The following FAT3 variants were observed in gnomAD, a reference collection of about 807,000 sequenced individuals.
FAT3 encodes protocadherin Fat 3.
A neutral mutation model predicts 310.2 loss-of-function variants in FAT3; 95 were observed. The ratio of observed to expected loss-of-function variants is 0.31; its 90% CI spans 0.26 to 0.36. The LOEUF (loss-of-function observed/expected upper bound fraction) is 0.36. Among genes scored for constraint, FAT3 ranks in the 10% least tolerant of loss-of-function variants. The pLI is 1.00. For missense variants in FAT3, 5,408 were observed against 5,715.6 expected (o/e 0.95, Z 1.74); for synonymous variants, 2,314 against 2,192.9 (o/e 1.06, Z -1.54).
intron 3 of FAT3, among the ~76,000 whole-genome samples, chr11:92,695,020 A>T (rs1943898851): frequency 6.6e-6 from 1 of 152,124 alleles, no homozygotes; most frequent in East Asian, 1.9e-4. Context: ...ACTCAGAGCG[A>T]TGTGCTGCCC....
At chr11:92,684,237 C>G (rs1943566726) in intron 3 of FAT3, among the ~76,000 whole-genome samples, 1 of 152,048 alleles carries the variant, frequency 6.6e-6, no homozygotes, top group Admixed American at 6.6e-5. Flanking sequence ...CATTACAAAC[C>G]CTTAGTCCCA....
chr11:92,872,177 T>C (rs1305556434), intron 22 of FAT3, among the ~76,000 whole-genome samples: 1 of 152,220 alleles, frequency 6.6e-6, no homozygotes, highest in Non-Finnish European at 1.5e-5. Context: ...GGGGCCACTT[T>C]GGATATGTTT....
intron 1 of FAT3, among the ~76,000 whole-genome samples, chr11:92,325,015 A>G (rs763879534): frequency 1.3e-5 from 2 of 152,164 alleles, no homozygotes; most frequent in Non-Finnish European, 2.9e-5. Context: ...CACATTTAAA[A>G]CCCGTTTCAA....
chr11:92,254,460 C>T (rs182901035), intron 1 of FAT3, among the ~76,000 whole-genome samples: 22 of 152,222 alleles, frequency 1.4e-4, no homozygotes, highest in Admixed American at 3.9e-4. Context: ...GTTTAAGATC[C>T]TGCTGGCTGG....
At chr11:92,414,353 A>T (rs1010040371) in intron 2 of FAT3, among the ~76,000 whole-genome samples, 2 of 152,166 alleles carry the variant, frequency 1.3e-5, no homozygotes, top group African/African-American at 4.8e-5. Flanking sequence ...TTAAAAAGAG[A>T]ACTAGAAAAA....
rs189847859 is a variant in FAT3 at position 92,476,361 on chromosome 11, G to T, written c.3293-48273G>T. On this transcript the variant is annotated intron_variant, in intron 2 of 27. Coordinates refer to ENST00000525166, the MANE Select transcript of FAT3 (RefSeq NM_001367949.2). ...TTATATAAGCCATCTAAGTACATTTGGGTTGTAAGGAAAATTACAGCAAGT... is the reference window on the plus strand; with the variant it reads ...TTATATAAGCCATCTAAGTACATTTTGGTTGTAAGGAAAATTACAGCAAGT... Among the ~76,000 whole-genome samples the T allele has an allele frequency of 6.9e-3, 1,052 of 152,188 alleles. 6 individuals are homozygous for T. Among genetic ancestry groups the T allele is most frequent in the Non-Finnish European group, 0.011 (733 of 67,998 alleles).
intron 13 of FAT3, among the ~76,000 whole-genome samples, chr11:92,830,941 A>C (rs1056379893): frequency 2.6e-5 from 4 of 151,972 alleles, no homozygotes; most frequent in Non-Finnish European, 5.9e-5. Flanking sequence ...CCTTCTCACC[A>C]CTTCCGACAC....
At chr11:92,660,126 G>C (rs1381192294) in intron 3 of FAT3, among the ~76,000 whole-genome samples, 3 of 151,938 alleles carry the variant, frequency 2.0e-5, no homozygotes, top group Non-Finnish European at 4.4e-5. Context: ...GAACTAGCAA[G>C]AGTTCTACAT....
At chr11:92,275,972 T>TATAAAATATGTGTGTGATACAC (rs1946257836) in intron 1 of FAT3, among the ~76,000 whole-genome samples, 1 of 152,172 alleles carries the variant, frequency 6.6e-6, no homozygotes, top group African/African-American at 2.4e-5. Flanking sequence ...GTGTGATACA[T>TATAAAATATGTGTGTGATACAC]ATAAAGTAAC....
intron 1 of FAT3, among the ~76,000 whole-genome samples, chr11:92,344,332 G>A (rs149975923): frequency 1.5e-3 from 231 of 152,260 alleles, no homozygotes; most frequent in African/African-American, 5.1e-3. Context: ...CCAACGTCCT[G>A]CTGGGATGAG....
At chr11:92,645,500 A>AC (rs1942120064) in intron 3 of FAT3, among the ~76,000 whole-genome samples, 1 of 151,950 alleles carries the variant, frequency 6.6e-6, no homozygotes, top group Non-Finnish European at 1.5e-5. Context: ...GAAAAAAAAA[A>AC]AAAACAGGTA....
chr11:92,326,019 A>G (rs763989213), intron 1 of FAT3, among the ~76,000 whole-genome samples: 122 of 152,222 alleles, frequency 8.0e-4, no homozygotes, highest in Middle Eastern at 3.2e-3. Context: ...AGCCATATCC[A>G]TGTTGGTGAG....
At chr11:92,872,044 A>T (rs772929396) in intron 22 of FAT3, among the ~76,000 whole-genome samples, 30 of 152,204 alleles carry the variant, frequency 2.0e-4, no homozygotes, top group Admixed American at 5.2e-4. Context: ...CCCTTCAAAG[A>T]TAAGAGTAAT....
chr11:92,880,679 A>G, intron 22 of FAT3, 52 bp from the exon 23 acceptor site: 1 of 1,575,680 alleles, frequency 6.3e-7, no homozygotes, highest in Non-Finnish European at 8.6e-7. Flanking sequence ...GAGTCCAAGC[A>G]CTCAGCCCTA....
chr11:92,851,911 G>A (rs983754136), intron 19 of FAT3, among the ~76,000 whole-genome samples: 1 of 152,164 alleles, frequency 6.6e-6, no homozygotes, highest in African/African-American at 2.4e-5. Flanking sequence ...CCACCAGAGA[G>A]GGGGTCTTTA....
chr11:92,316,671 C>T (rs1045436319), intron 1 of FAT3, among the ~76,000 whole-genome samples: 3 of 152,022 alleles, frequency 2.0e-5, no homozygotes, highest in Non-Finnish European at 4.4e-5. Flanking sequence ...TGCATGATGC[C>T]CACCTTTTCT....
At position 92,801,889 on chromosome 11, in the gene FAT3, A is replaced by AAGTG; in HGVS notation, c.8879_8882dup (p.Tyr2962GlufsTer21). Reference sequence around the variant, plus strand: ...AGAGACACATCCGACGTTAATCGCCAAGTGAGCTACCATATTACAGGTGAG... The same window carrying AAGTG: ...AGAGACACATCCGACGTTAATCGCCAAGTGAGTGAGCTACCATATTACAGGTGAG... On this transcript the variant is annotated frameshift_variant, in exon 10 of 28. Transcript: ENST00000525166. LOFTEE classifies it high-confidence loss of function. 6.2e-7 allele frequency: 1 copy of AAGTG among 1,613,798 alleles called. No individual in the cohort carries two copies. Among genetic ancestry groups the AAGTG allele is most frequent in the African/African-American group, 1.3e-5 (1 of 75,054 alleles).
chr11:92,651,801 C>A (rs960634885), intron 3 of FAT3, among the ~76,000 whole-genome samples: 1 of 152,128 alleles, frequency 6.6e-6, no homozygotes, highest in East Asian at 1.9e-4. Context: ...CTCTGTTAGA[C>A]CATGCCAAAG....
intron 4 of FAT3, among the ~76,000 whole-genome samples, chr11:92,753,487 C>G (rs573494216): frequency 3.8e-4 from 58 of 152,100 alleles, no homozygotes; most frequent in Non-Finnish European, 7.3e-4. Flanking sequence ...TAAAACTAGT[C>G]TATAGGAAGC....
Sources: allele counts gnomAD v4.1 joint callset (sites outside exome capture counted in the v4.1 genomes callset), GRCh38; gene constraint gnomAD v4.1.1; transcripts MANE v1.5; gene names NCBI Gene and HGNC (gene_info 2026-07-23, HGNC 2026-07-21).